The following STAB2 variants were observed in gnomAD, a reference collection of about 807,000 sequenced individuals.
STAB2 encodes the protein stabilin 2, also known as stabilin-2.
STAB2 carries 288 observed loss-of-function variants against 338.1 expected under a neutral mutation model. The ratio of observed to expected loss-of-function variants is 0.85; its 90% CI spans 0.77 to 0.94. The LOEUF is 0.94. Ranked by LOEUF, STAB2 falls within the 40% of genes least tolerant of loss-of-function variation. The pLI is 0.00. For synonymous variants in STAB2, 1,202 were observed against 1,193.3 expected, an observed-to-expected ratio of 1.01 and a Z score of -0.15; for missense variants, 3,141 against 3,210.1, an observed-to-expected ratio of 0.98 and a Z score of 0.52.
rs1884973136 is a variant in STAB2, at chr12:103,766,461, CT to C, written c.*126del. On this transcript the variant is annotated 3_prime_UTR_variant, in exon 69 of 69. Transcript: ENST00000388887. ...AGCACTCAGAAGCCATACCTCATCT[CT>C]CTGGCTGATCTGGGGGTTGTTTCTG... The C allele has an allele frequency of 8.9e-7, 1 of 1,118,092 alleles. No individual in the cohort carries two copies. Among genetic ancestry groups the C allele is most frequent in the Non-Finnish European group, 1.3e-6 (1 of 789,630 alleles). 69.3% of individuals were successfully genotyped at this position (1,118,092 alleles called of 1,614,324 possible).
chr12:103,762,735 G>A (rs1884633145), intron 67 of STAB2, among the ~76,000 whole-genome samples: 1 of 152,214 alleles, frequency 6.6e-6, no homozygotes, highest in South Asian at 2.1e-4. Flanking sequence ...AGGATTCACT[G>A]CACAAGCACA....
chr12:103,666,261 C>A, intron 18 of STAB2, 30 bp from the exon 19 acceptor site: 1 of 1,611,580 alleles, frequency 6.2e-7, no homozygotes. Context: ...CATAGGGACA[C>A]CTGCACTGAC....
rs374830406 is a variant in STAB2 at position 103,712,449 on chromosome 12, C to G, written c.4411+6C>G. On this transcript the variant is annotated splice_donor_region_variant and intron_variant, in intron 41 of 68. Transcript: ENST00000388887. ...AAACGGGACCATCTGCACAGGCAAG[C>G]GAAGGAAGGAATTTGCTGGGGGGGC... is the stretch of plus-strand genomic sequence containing the variant. The G allele has an allele frequency of 3.1e-6, 5 of 1,611,016 alleles. No homozygotes were observed. The highest frequency in any genetic ancestry group is 4.2e-6 in the Non-Finnish European group (5 of 1,177,630).
intron 3 of STAB2, among the ~76,000 whole-genome samples, chr12:103,598,730 AC>A (rs2138554209): frequency 6.6e-6 from 1 of 152,256 alleles, no homozygotes; most frequent in Admixed American, 6.5e-5. Context: ...GATTCCTCAT[AC>A]CCCCACATTC....
chr12:103,609,118 T>C (rs1070076), intron 3 of STAB2, among the ~76,000 whole-genome samples: 124,852 of 151,972 alleles, frequency 0.82, 52,014 homozygotes, highest in East Asian at 1. Context: ...AGTCAGGTAG[T>C]GTGATGCCTC....
intron 5 of STAB2, among the ~76,000 whole-genome samples, chr12:103,630,441 C>T (rs772936268): frequency 1.8e-4 from 27 of 152,152 alleles, no homozygotes; most frequent in Non-Finnish European, 3.1e-4. Context: ...ACCGAAGACA[C>T]GTGTAGTAGG....
chr12:103,662,911 T>G lies in STAB2; in HGVS notation c.1935T>G (p.Ile645Met). The G allele has an allele frequency of 6.2e-7, 1 of 1,614,094 alleles. No homozygotes were observed. Among genetic ancestry groups the G allele is most frequent in the Non-Finnish European group, 8.5e-7 (1 of 1,179,996 alleles). The change falls in exon 18 of 69, where the codon ATT becomes ATG. Residue 645 changes from isoleucine (I) to methionine (M), a missense_variant. Transcript: ENST00000388887. ...AGATCACTGCCAAAAATGGCCGAAT[T>G]TACACACTGACAGGAGTTCTCATTC... is the stretch of plus-strand genomic sequence containing the variant. ...EIEITAKNGR[I>M]YTLTGVLIPP...
intron 31 of STAB2, 66 bp downstream of exon 31, chr12:103,692,955 A>T: frequency 2.0e-5 from 27 of 1,375,478 alleles, no homozygotes; most frequent in Admixed American, 1.8e-4. Flanking sequence ...CGTCCTATAC[A>T]GCATTTTTTT....
At chr12:103,607,244 T>C (rs990740785) in intron 3 of STAB2, among the ~76,000 whole-genome samples, 2 of 152,070 alleles carry the variant, frequency 1.3e-5, no homozygotes, top group Admixed American at 6.6e-5. Context: ...TTCAAATACA[T>C]TTTCTCCCTT....
chr12:103,651,078 A>T (rs1254722057), intron 11 of STAB2, among the ~76,000 whole-genome samples: 1 of 152,212 alleles, frequency 6.6e-6, no homozygotes, highest in African/African-American at 2.4e-5. Flanking sequence ...GTTGTTTGAG[A>T]TAATGTCATC....
At chr12:103,594,739 A>T (rs1181313346) in intron 3 of STAB2, among the ~76,000 whole-genome samples, 1 of 152,236 alleles carries the variant, frequency 6.6e-6, no homozygotes, top group Non-Finnish European at 1.5e-5. Flanking sequence ...ATAAGCCAGA[A>T]AAAGGGACAA....
intron 3 of STAB2, among the ~76,000 whole-genome samples, chr12:103,609,608 A>G (rs930993534): frequency 2.0e-5 from 3 of 152,106 alleles, no homozygotes; most frequent in Non-Finnish European, 4.4e-5. Flanking sequence ...GGGGTTTTCT[A>G]GATATACAAT....
At chr12:103,621,930 G>T (rs941485768) in intron 4 of STAB2, 112 bp from the exon 5 acceptor site, 2 of 923,188 alleles carry the variant, frequency 2.2e-6, no homozygotes, top group African/African-American at 3.3e-5. Context: ...TCCAGGATAG[G>T]CACAGAGGGA....
At chr12:103,765,571 G>A (rs1396068595) in intron 68 of STAB2, among the ~76,000 whole-genome samples, 1 of 152,198 alleles carries the variant, frequency 6.6e-6, no homozygotes, top group African/African-American at 2.4e-5. Context: ...CCTCTAGAGT[G>A]TGGCCTTTTT....
At chr12:103,646,548 G>T (rs1873351547) in intron 9 of STAB2, among the ~76,000 whole-genome samples, 1 of 152,118 alleles carries the variant, frequency 6.6e-6, no homozygotes. Flanking sequence ...CCATTTTATA[G>T]AAGAGGAAAC....
At chr12:103,706,120 G>T (rs1879328827) in intron 37 of STAB2, among the ~76,000 whole-genome samples, 1 of 152,168 alleles carries the variant, frequency 6.6e-6, no homozygotes, top group South Asian at 2.1e-4. Context: ...ACTACCTCTA[G>T]TGGTGCCTTT....
intron 22 of STAB2, among the ~76,000 whole-genome samples, chr12:103,672,963 T>C (rs1262252887): frequency 6.6e-6 from 1 of 152,178 alleles, no homozygotes; most frequent in Non-Finnish European, 1.5e-5. Context: ...TCTCTGGGCC[T>C]CAGCTTCCTC....
chr12:103,630,753 G>A (rs1957447804), intron 5 of STAB2, among the ~76,000 whole-genome samples: 1 of 152,248 alleles, frequency 6.6e-6, no homozygotes, highest in Admixed American at 6.5e-5. Flanking sequence ...ATGGGCTCTA[G>A]AAGCTAGAAA....
intron 10 of STAB2, among the ~76,000 whole-genome samples, chr12:103,649,388 C>T (rs1221691845): frequency 1.3e-5 from 2 of 152,164 alleles, no homozygotes; most frequent in Admixed American, 6.5e-5. Flanking sequence ...AAAACACCCT[C>T]ATGTATTTGC....
Sources: gnomAD v4.1 joint callset for allele counts (sites outside exome capture counted in the v4.1 genomes callset) on GRCh38, gnomAD v4.1.1 for gene constraint, MANE v1.5 for transcripts, NCBI Gene and HGNC (gene_info 2026-07-23, HGNC 2026-07-21) for gene names.